The following PLA2G4D variants were observed in gnomAD, a reference collection of about 807,000 sequenced individuals.
PLA2G4D encodes the protein cytosolic phospholipase A2 delta.
A neutral mutation model predicts 94.4 loss-of-function variants in PLA2G4D; 80 were observed. The observed-to-expected ratio is 0.85, with a 90% confidence interval of 0.71 to 1.02. The LOEUF (loss-of-function observed/expected upper bound fraction) is 1.02. Among genes scored for constraint, PLA2G4D ranks in the 50% least tolerant of loss-of-function variants. The probability of loss-of-function intolerance (pLI) is 0.00; values close to 1 mark genes in which losing one functional copy is unlikely to be tolerated. For missense variants in PLA2G4D, 1,050 were observed against 1,034.7 expected (o/e 1.01, Z -0.20); for synonymous variants, 438 against 440.9 (o/e 0.99, Z 0.08).
At chr15:42,070,528 CCCAAGG>C in intron 18 of PLA2G4D, 183 bp downstream of exon 18, 3 of 680,316 alleles carry the variant, frequency 4.4e-6, no homozygotes, top group Non-Finnish European at 7.3e-6. Context: ...GTCCTGGGAG[CCCAAGG>C]CCCCTGCACC....
intron 7 of PLA2G4D, 41 bp from the exon 8 acceptor site, chr15:42,083,375 C>A: frequency 6.3e-7 from 1 of 1,585,874 alleles, no homozygotes; most frequent in South Asian, 1.1e-5. Flanking sequence ...AACAAGAGCC[C>A]GGAACCCCAG....
At position 42,094,417 on chromosome 15, in the gene PLA2G4D, G is replaced by C. The variant is rs201797685; in HGVS notation, c.43C>G (p.Gln15Glu). 214 of 1,613,952 alleles carry C rather than the reference G, an allele frequency of 1.3e-4. No homozygotes were observed. The highest frequency in any genetic ancestry group is 1.8e-4 in the Non-Finnish European group (210 of 1,179,970). Reference sequence around the variant, plus strand: ...ACATGCTCTGCAGACACTGTTACCTGGTAAGGGTGGCCAGGTGGTCCCCCA... The same window carrying C: ...ACATGCTCTGCAGACACTGTTACCTCGTAAGGGTGGCCAGGTGGTCCCCCA... ...SPGGPPGHPY[Q>E]GEASTCWQLT... The change falls in exon 1 of 20, where the codon CAG (glutamine) becomes GAG (glutamate). Residue 15 changes from glutamine to glutamate, a missense_variant and splice_region_variant. By Grantham distance (29) the Gln-to-Glu change is conservative. Coordinates refer to ENST00000290472, the MANE Select transcript of PLA2G4D (RefSeq NM_178034.4).
chr15:42,080,080 T>C (rs567618288), intron 12 of PLA2G4D, among the ~76,000 whole-genome samples: 1 of 152,384 alleles, frequency 6.6e-6, no homozygotes, highest in South Asian at 2.1e-4. Context: ...AATACAGTTA[T>C]TGATGTAATT....
rs189676159 is a variant in PLA2G4D, at chr15:42,086,298, T to C, written c.302A>G (p.Asp101Gly). 2 of 1,599,466 alleles carry C rather than the reference T, an allele frequency of 1.3e-6. No homozygotes were observed. The highest frequency in any genetic ancestry group is 1.7e-6 in the Non-Finnish European group (2 of 1,173,142). ...SIYDEDSVTE[D>G]DICFKVLYDI... Reference sequence around the variant, plus strand: ...ATAGAGAACCTTGAAGCAGATGTCATCCTCCGTGACTGAGTCCTCATCATA... The same window carrying C: ...ATAGAGAACCTTGAAGCAGATGTCACCCTCCGTGACTGAGTCCTCATCATA... Residue 101 changes from aspartate to glycine, a missense_variant, in exon 4 of 20, where the codon GAT becomes GGT. Physicochemically the swap from Asp to Gly is moderately conservative, Grantham distance 94 (BLOSUM62 -1). Transcript: ENST00000290472.
At chr15:42,085,274 G>T in intron 5 of PLA2G4D, 136 bp from the exon 6 acceptor site, 3 of 1,121,532 alleles carry the variant, frequency 2.7e-6, no homozygotes, top group Non-Finnish European at 4.0e-6. Context: ...GAGATGCTTT[G>T]CAGGAGGAGA....
chr15:42,091,271 TG>T (rs1890239867), intron 1 of PLA2G4D, among the ~76,000 whole-genome samples: 1 of 152,232 alleles, frequency 6.6e-6, no homozygotes, highest in Non-Finnish European at 1.5e-5. Context: ...CGATTATATA[TG>T]AATATCATTA....
At chr15:42,069,504 G>T (rs2141091093) in intron 19 of PLA2G4D, among the ~76,000 whole-genome samples, 1 of 152,274 alleles carries the variant, frequency 6.6e-6, no homozygotes, top group Admixed American at 6.5e-5. Context: ...TGTGATGGGG[G>T]TTTAAATTTC....
Position 42,087,367 on chromosome 15 carries a change from G to T in PLA2G4D, c.188C>A (p.Thr63Lys). ...TAPGMKFKTKTLTDTSHPVWN... is the reference protein window; with the variant it reads ...TAPGMKFKTKKLTDTSHPVWN... ...CACAGGATGACTGGTGTCGGTGAGC[G>T]TCTTGGTCTTAAACTTCATTCCAGG... The change falls in exon 3 of 20, where the codon ACG (threonine) becomes AAG (lysine). Residue 63 changes from threonine to lysine, a missense_variant. Coordinates refer to ENST00000290472, the MANE Select transcript of PLA2G4D (RefSeq NM_178034.4). 1 of 1,614,162 alleles carries T rather than the reference G, an allele frequency of 6.2e-7. No individual in the cohort carries two copies. The highest frequency in any genetic ancestry group is 8.5e-7 in the Non-Finnish European group (1 of 1,180,024).
At chr15:42,072,618 T>A (rs1400402912) in intron 13 of PLA2G4D, among the ~76,000 whole-genome samples, 1 of 152,034 alleles carries the variant, frequency 6.6e-6, no homozygotes, top group Non-Finnish European at 1.5e-5. Flanking sequence ...GTACTATGAA[T>A]CTCCAGCGAG....
At chr15:42,088,838 C>T (rs914937208) in intron 1 of PLA2G4D, among the ~76,000 whole-genome samples, 1 of 152,076 alleles carries the variant, frequency 6.6e-6, no homozygotes, top group African/African-American at 2.4e-5. Flanking sequence ...AGTGGGAGCC[C>T]CAGCCAGGAG....
chr15:42,087,462 G>A (rs764399214), intron 2 of PLA2G4D, 26 bp from the exon 3 acceptor site: 4 of 1,613,790 alleles, frequency 2.5e-6, no homozygotes, highest in Non-Finnish European at 3.4e-6. Context: ...AAGTCTTCGT[G>A]AGGGAGTACT....
At position 42,080,956 on chromosome 15, in the gene PLA2G4D, C is replaced by A. The variant is rs144641086; in HGVS notation, c.1094+41G>T. 195 of 1,603,274 alleles carry A rather than the reference C, an allele frequency of 1.2e-4. No homozygotes were observed. The African/African-American group carries it at 2.2e-3, about 18-fold the overall frequency. ...TGGTGCCCACTCTGCCCCGCTATGG[C>A]CCCTGATTGTCTCTGCCACCCAGTC... is the stretch of plus-strand genomic sequence containing the variant. On this transcript the variant is annotated intron_variant, in intron 12 of 19. Coordinates refer to ENST00000290472, the MANE Select transcript of PLA2G4D (RefSeq NM_178034.4).
chr15:42,085,678 A>G, intron 4 of PLA2G4D, 147 bp from the exon 5 acceptor site: 1 of 788,488 alleles, frequency 1.3e-6, no homozygotes, highest in South Asian at 1.6e-5. Flanking sequence ...TGGATGAGGA[A>G]ACTGAGGTAT....
chr15:42,078,198 C>T (rs576753540), intron 13 of PLA2G4D, among the ~76,000 whole-genome samples: 37 of 152,300 alleles, frequency 2.4e-4, no homozygotes, highest in African/African-American at 8.7e-4. Context: ...TTTTTTCTAC[C>T]ACCAGCTAAC....
chr15:42,087,227 C>T (rs1595598487), intron 3 of PLA2G4D, 73 bp downstream of exon 3: 1 of 1,590,966 alleles, frequency 6.3e-7, no homozygotes, highest in East Asian at 2.2e-5. Flanking sequence ...AGGAAGCATG[C>T]TCTACCCCAG....
intron 8 of PLA2G4D, among the ~76,000 whole-genome samples, chr15:42,082,655 G>A (rs1168940401): frequency 1.3e-5 from 2 of 152,328 alleles, no homozygotes; most frequent in East Asian, 3.9e-4. Context: ...AATAAGTGGT[G>A]TGATATGACA....
At chr15:42,086,677 C>A (rs1890156565) in intron 3 of PLA2G4D, among the ~76,000 whole-genome samples, 1 of 151,892 alleles carries the variant, frequency 6.6e-6, no homozygotes, top group East Asian at 1.9e-4. Context: ...ATGGTGAAAC[C>A]CCATCTCTAC....
At position 42,082,360 on chromosome 15, in the gene PLA2G4D, G is replaced by A. The variant is rs760337700; in HGVS notation, c.702C>T (p.Asp234=). 6.2e-7 allele frequency: 1 copy of A among 1,613,968 alleles called. No individual in the cohort carries two copies. Among genetic ancestry groups the A allele is most frequent in the Admixed American group, 1.7e-5 (1 of 59,992 alleles). The part of the protein sequence containing the change: ...RSSRSNGWNG[D]NSAGYLTVPL... ...GCACAGTGAGGTACCCAGCTGAGTT[G>A]TCCCCATTCCAGCCATTGCTTCTGG... is the stretch of plus-strand genomic sequence containing the variant. Residue 234 remains aspartate, a synonymous_variant, in exon 9 of 20, where the codon GAC becomes GAT. Transcript: ENST00000290472.
Position 42,068,034 on chromosome 15 carries a change from C to T in PLA2G4D, c.*681G>A, listed in dbSNP as rs2141090094. The T allele has an allele frequency of 6.6e-6, 1 of 152,344 alleles. No individual in the cohort carries two copies. Among genetic ancestry groups the T allele is most frequent in the East Asian group, 1.9e-4 (1 of 5,188 alleles). The allele number at this position is 152,344 out of a possible 1,614,324, so 9.4% of individuals were successfully genotyped here. On this transcript the variant is annotated 3_prime_UTR_variant, in exon 20 of 20. Coordinates refer to ENST00000290472, the MANE Select transcript of PLA2G4D (RefSeq NM_178034.4). ...ATTTGGAGATGGCATGATCTGTCTA[C>T]AGAAAATTCTAAGAAATCCGCAAAA...
Sources: allele counts gnomAD v4.1 joint callset (sites outside exome capture counted in the v4.1 genomes callset), GRCh38; gene constraint gnomAD v4.1.1; transcripts MANE v1.5; gene names NCBI Gene and HGNC (gene_info 2026-07-23, HGNC 2026-07-21).